The following SNTG2 variants were observed in gnomAD, a reference collection of about 807,000 sequenced individuals.
SNTG2 encodes the protein syntrophin gamma 2.
SNTG2 carries 74 observed loss-of-function variants against 70.9 expected under a neutral mutation model. The observed-to-expected ratio is 1.04, with a 90% confidence interval of 0.86 to 1.27. The LOEUF is 1.27. SNTG2 is among the 50% of genes most tolerant of loss of function. SNTG2 has a pLI of 0.00. For synonymous variants in SNTG2, 278 were observed against 273.8 expected, an observed-to-expected ratio of 1.02 and a Z score of -0.15; for missense variants, 717 against 690.7, an observed-to-expected ratio of 1.04 and a Z score of -0.43.
chr2:1,204,541 A>T (rs1160782246), intron 8 of SNTG2, among the ~76,000 whole-genome samples: 2 of 152,234 alleles, frequency 1.3e-5, no homozygotes, highest in Non-Finnish European at 2.9e-5. Flanking sequence ...ATAAACAATC[A>T]TAAGTTTTAA....
At chr2:1,070,085 G>C (rs570022978) in intron 1 of SNTG2, among the ~76,000 whole-genome samples, 1 of 151,952 alleles carries the variant, frequency 6.6e-6, no homozygotes, top group African/African-American at 2.4e-5. Flanking sequence ...AGCTTTTTGC[G>C]AAACCATCGG....
intron 1 of SNTG2, among the ~76,000 whole-genome samples, chr2:990,154 A>G (rs1444964753): frequency 6.6e-6 from 1 of 152,228 alleles, no homozygotes; most frequent in Non-Finnish European, 1.5e-5. Flanking sequence ...ACTAAAGGCA[A>G]AGAGCTCATG....
intron 14 of SNTG2, among the ~76,000 whole-genome samples, chr2:1,288,493 C>T (rs1468747661): frequency 3.7e-5 from 5 of 135,068 alleles, no homozygotes; most frequent in African/African-American, 1.3e-4. Context: ...ACCACACCCA[C>T]GCATTCACAC....
chr2:991,178 T>A (rs1340749719), intron 1 of SNTG2, among the ~76,000 whole-genome samples: 1 of 152,162 alleles, frequency 6.6e-6, no homozygotes, highest in African/African-American at 2.4e-5. Context: ...CAGATGGCAA[T>A]TGTGTTGTTC....
intron 1 of SNTG2, among the ~76,000 whole-genome samples, chr2:1,029,054 C>A (rs1011667480): frequency 3.9e-5 from 6 of 152,162 alleles, no homozygotes; most frequent in Non-Finnish European, 7.3e-5. Context: ...GGGGCTCCGG[C>A]GGCCTGGACA....
chr2:1,141,043 ACT>A (rs1289634068), intron 6 of SNTG2, among the ~76,000 whole-genome samples: 2 of 152,118 alleles, frequency 1.3e-5, no homozygotes, highest in Non-Finnish European at 2.9e-5. Context: ...TGGTGTGGAC[ACT>A]CTGAGCAGGA....
rs58615451 is a variant in SNTG2 at position 1,197,519 on chromosome 2, G to GTATATATATA, written c.592-11583_592-11582insATATATATAT. On this transcript the variant is annotated intron_variant, in intron 8 of 16. Transcript: ENST00000308624. ...TATATATGTGTATGTATATATATGT[G>GTATATATATA]TGTGTGTGTGTGTGTGTGTGTGTGT... is the stretch of plus-strand genomic sequence containing the variant. Among the ~76,000 whole-genome samples, 213 of 81,456 alleles carry GTATATATATA rather than the reference G, an allele frequency of 2.6e-3. 2 individuals are homozygous for GTATATATATA. Among genetic ancestry groups the GTATATATATA allele is most frequent in the African/African-American group, 7.9e-3 (198 of 24,978 alleles). 53.4% of individuals were successfully genotyped at this position (81,456 alleles called of 152,430 possible).
At chr2:1,047,051 C>T (rs995275916) in intron 1 of SNTG2, among the ~76,000 whole-genome samples, 1 of 152,112 alleles carries the variant, frequency 6.6e-6, no homozygotes, top group African/African-American at 2.4e-5. Flanking sequence ...AGATGTTCTT[C>T]AGTTTTTTCT....
rs34364320 is a variant in SNTG2 at position 1,255,820 on chromosome 2, GTA to G, written c.1006-3539_1006-3538del. Among the ~76,000 whole-genome samples, 16 of 59,614 alleles carry G rather than the reference GTA, an allele frequency of 2.7e-4. No homozygotes were observed. In the South Asian group the frequency reaches 4.1e-3, roughly 15 times the overall value. 39.1% of individuals were successfully genotyped at this position (59,614 alleles called of 152,430 possible). The stretch of plus-strand genomic sequence containing the variant: ...TATATATATATACACAAAGTTGTAT[GTA>G]TATATATATAAATATATATAAATAT... On this transcript the variant is annotated intron_variant, in intron 12 of 16. Coordinates refer to ENST00000308624, the MANE Select transcript of SNTG2 (RefSeq NM_018968.4).
At chr2:1,256,162 T>C (rs966671474) in intron 12 of SNTG2, among the ~76,000 whole-genome samples, 2 of 151,898 alleles carry the variant, frequency 1.3e-5, no homozygotes, top group African/African-American at 4.8e-5. Flanking sequence ...TATGAGTTCC[T>C]TCCTCTAGTT....
chr2:1,293,848 G>A (rs1680090655), intron 14 of SNTG2, among the ~76,000 whole-genome samples: 1 of 152,174 alleles, frequency 6.6e-6, no homozygotes, highest in Non-Finnish European at 1.5e-5. Context: ...GCACTTACTA[G>A]GAGTTAAAAG....
At chr2:1,080,243 C>T (rs1664197930) in intron 1 of SNTG2, among the ~76,000 whole-genome samples, 1 of 151,342 alleles carries the variant, frequency 6.6e-6, no homozygotes, top group Admixed American at 6.6e-5. Flanking sequence ...TAGGGAGATT[C>T]CTAGGTCATC....
rs113599710 is a variant in SNTG2, at chr2:1,113,155, G to A, written c.325+14745G>A. On this transcript the variant is annotated intron_variant, in intron 4 of 16. Transcript: ENST00000308624. ...CCCTTACAGTCCTTTGAGGAGGATC[G>A]TGGGTACTAAGTGAGGTTTAACCCT... Among the ~76,000 whole-genome samples, 29 of 21,730 alleles carry A rather than the reference G, an allele frequency of 1.3e-3. 3 individuals carry two copies. The highest frequency in any genetic ancestry group is 4.3e-3 in the East Asian group (3 of 692). 14.3% of individuals were successfully genotyped at this position (21,730 alleles called of 152,430 possible).
intron 16 of SNTG2, among the ~76,000 whole-genome samples, chr2:1,339,184 T>C (rs753062959): frequency 2.0e-5 from 3 of 152,222 alleles, no homozygotes. Flanking sequence ...GAAACTTAAG[T>C]CCTCTGCCCA....
intron 1 of SNTG2, chr2:1,068,111 C>G (rs1229955405): frequency 6.6e-6 from 1 of 152,162 alleles, no homozygotes; most frequent in Non-Finnish European, 1.5e-5. Flanking sequence ...TTGCTTTCAA[C>G]TGATAATTAT....
intron 8 of SNTG2, among the ~76,000 whole-genome samples, chr2:1,197,203 C>T (rs2147955944): frequency 6.6e-6 from 1 of 152,062 alleles, no homozygotes; most frequent in African/African-American, 2.4e-5. Context: ...TGAAATGACC[C>T]AATTATATGC....
chr2:998,849 A>C (rs939155639), intron 1 of SNTG2, among the ~76,000 whole-genome samples: 1 of 152,116 alleles, frequency 6.6e-6, no homozygotes, highest in Non-Finnish European at 1.5e-5. Flanking sequence ...CACTATCCAA[A>C]GACAATGTGA....
At chr2:1,286,127 G>A (rs923042753) in intron 14 of SNTG2, among the ~76,000 whole-genome samples, 2 of 152,146 alleles carry the variant, frequency 1.3e-5, no homozygotes, top group African/African-American at 4.8e-5. Context: ...TGTGTTTCCT[G>A]GTGGCAGGGT....
At chr2:1,195,838 TTA>T (rs1459874752) in intron 8 of SNTG2, among the ~76,000 whole-genome samples, 3 of 152,214 alleles carry the variant, frequency 2.0e-5, no homozygotes, top group Admixed American at 6.5e-5. Context: ...GTTGTGGATA[TTA>T]TGTTATTAAA....
Sources: gnomAD v4.1 joint callset for allele counts (sites outside exome capture counted in the v4.1 genomes callset) on GRCh38, gnomAD v4.1.1 for gene constraint, MANE v1.5 for transcripts, NCBI Gene and HGNC (gene_info 2026-07-23, HGNC 2026-07-21) for gene names.